The following HS6ST3 variants were observed in gnomAD, a reference collection of about 807,000 sequenced individuals.
HS6ST3 encodes heparan sulfate 6-O-sulfotransferase 3.
In HS6ST3, 12 loss-of-function variants were observed where a neutral mutation model predicts 36.7. The ratio of observed to expected loss-of-function variants is 0.33; its 90% confidence interval spans 0.21 to 0.53. The LOEUF is 0.53. Ranked by LOEUF, HS6ST3 falls within the 20% of genes least tolerant of loss-of-function variation. The pLI, the probability that HS6ST3 is intolerant of heterozygous loss-of-function variation, is 0.95. For synonymous variants in HS6ST3, 240 were observed against 257.5 expected, an observed-to-expected ratio of 0.93 and a Z score of 0.65; for missense variants, 584 against 640.9, an observed-to-expected ratio of 0.91 and a Z score of 0.96.
intron 1 of HS6ST3, among the ~76,000 whole-genome samples, chr13:96,387,528 G>A (rs942537499): frequency 6.6e-6 from 1 of 152,184 alleles, no homozygotes; most frequent in Admixed American, 6.5e-5. Flanking sequence ...TAAATAAAAG[G>A]TAGTTCAGAA....
intron 1 of HS6ST3, among the ~76,000 whole-genome samples, chr13:96,464,947 CGTGTGTGTGTGTGTGT>C (rs71113997): frequency 3.4e-5 from 5 of 145,554 alleles, no homozygotes; most frequent in Middle Eastern, 3.5e-3. Context: ...CAAGATGCTT[CGTGTGTGTGTGTGTGT>C]GTGTGTGTGT....
intron 1 of HS6ST3, among the ~76,000 whole-genome samples, chr13:96,441,315 T>C (rs1327914): frequency 0.21 from 31,410 of 151,586 alleles, 3,520 homozygotes; most frequent in African/African-American, 0.29. Flanking sequence ...AGTAGGGGAC[T>C]GGGGAGCATC....
At chr13:96,537,864 T>G (rs1315377819) in intron 1 of HS6ST3, among the ~76,000 whole-genome samples, 1 of 152,166 alleles carries the variant, frequency 6.6e-6, no homozygotes, top group Non-Finnish European at 1.5e-5. Flanking sequence ...CTGCCTCTGT[T>G]TGCAAAGGCA....
intron 1 of HS6ST3, among the ~76,000 whole-genome samples, chr13:96,320,957 A>C (rs573791840): frequency 6.6e-5 from 10 of 152,152 alleles, no homozygotes; most frequent in Non-Finnish European, 1.5e-4. Flanking sequence ...CTTGCATATT[A>C]TAATGTGGAT....
intron 1 of HS6ST3, among the ~76,000 whole-genome samples, chr13:96,592,438 G>T (rs1244678191): frequency 6.6e-6 from 1 of 152,046 alleles, no homozygotes; most frequent in Non-Finnish European, 1.5e-5. Flanking sequence ...CTTAAGAAAA[G>T]GATAGTTTAC....
intron 1 of HS6ST3, among the ~76,000 whole-genome samples, chr13:96,207,756 A>T (rs939278154): frequency 4.6e-5 from 7 of 152,190 alleles, no homozygotes; most frequent in Admixed American, 1.3e-4. Context: ...GTTCTCACTT[A>T]TAAGTGGGAG....
chr13:96,458,480 G>T (rs994088713), intron 1 of HS6ST3, among the ~76,000 whole-genome samples: 1 of 152,094 alleles, frequency 6.6e-6, no homozygotes, highest in South Asian at 2.1e-4. Flanking sequence ...ACTCAAAAGG[G>T]TCAGAAGTAA....
At chr13:96,816,155 A>G (rs991357138) in intron 1 of HS6ST3, among the ~76,000 whole-genome samples, 2 of 152,220 alleles carry the variant, frequency 1.3e-5, no homozygotes, top group Admixed American at 6.5e-5. Context: ...GTGACTTGCA[A>G]TGTGATTAAA....
intron 1 of HS6ST3, among the ~76,000 whole-genome samples, chr13:96,277,153 G>A (rs1276341064): frequency 5.3e-5 from 8 of 152,108 alleles, no homozygotes; most frequent in Non-Finnish European, 1.2e-4. Context: ...TTCTTTCTGG[G>A]ATGCCCTTCC....
chr13:96,342,231 G>A (rs1566331514), intron 1 of HS6ST3, among the ~76,000 whole-genome samples: 1 of 151,992 alleles, frequency 6.6e-6, no homozygotes, highest in Non-Finnish European at 1.5e-5. Context: ...TTTCATATTT[G>A]GACATTTATG....
rs77852408 is a variant in HS6ST3, at chr13:96,375,801, T to C, written c.707+284232T>C. Among the ~76,000 whole-genome samples the C allele has an allele frequency of 1.6e-4, 25 of 152,348 alleles. No homozygotes were observed. The East Asian group carries it at 4.8e-3, about 29-fold the overall frequency. On this transcript the variant is annotated intron_variant, in intron 1 of 1. Transcript: ENST00000376705. ...CATGGACTTAAAAAGTCAAATGTTA[T>C]TGGTGAAGATTTTCTTTACGAATAT...
At chr13:96,491,273 A>G (rs1456145098) in intron 1 of HS6ST3, among the ~76,000 whole-genome samples, 5 of 152,088 alleles carry the variant, frequency 3.3e-5, no homozygotes, top group East Asian at 1.9e-4. Context: ...TCCCAAAGCC[A>G]TATGCATACC....
intron 1 of HS6ST3, among the ~76,000 whole-genome samples, chr13:96,488,345 T>C (rs1388341447): frequency 1.3e-5 from 2 of 152,114 alleles, no homozygotes; most frequent in Admixed American, 1.3e-4. Flanking sequence ...TGGAAACCGG[T>C]ACCTCTTAGG....
At chr13:96,448,662 T>C (rs2055711263) in intron 1 of HS6ST3, among the ~76,000 whole-genome samples, 1 of 152,142 alleles carries the variant, frequency 6.6e-6, no homozygotes. Context: ...CTGCAATTTC[T>C]CTTCCTCCTC....
intron 1 of HS6ST3, among the ~76,000 whole-genome samples, chr13:96,280,455 A>G (rs778444717): frequency 1.7e-4 from 26 of 152,170 alleles, no homozygotes; most frequent in Non-Finnish European, 3.5e-4. Flanking sequence ...ATTGCCTTCA[A>G]TGTGAGGGAC....
intron 1 of HS6ST3, among the ~76,000 whole-genome samples, chr13:96,586,881 C>T (rs1340259899): frequency 6.6e-6 from 1 of 152,148 alleles, no homozygotes; most frequent in South Asian, 2.1e-4. Context: ...TTGCCCAGAC[C>T]AGTGTCATAG....
At chr13:96,770,550 T>C (rs1052431906) in intron 1 of HS6ST3, among the ~76,000 whole-genome samples, 1 of 152,158 alleles carries the variant, frequency 6.6e-6, no homozygotes, top group African/African-American at 2.4e-5. Context: ...TAAATGATAA[T>C]GCAAAACAAA....
intron 1 of HS6ST3, among the ~76,000 whole-genome samples, chr13:96,175,352 G>C (rs567134182): frequency 7.5e-6 from 1 of 133,344 alleles, no homozygotes; most frequent in South Asian, 2.4e-4. Context: ...CTTTCCTTTT[G>C]TAACAGTTTT....
At chr13:96,476,405 C>G (rs1292911329) in intron 1 of HS6ST3, among the ~76,000 whole-genome samples, 3 of 152,096 alleles carry the variant, frequency 2.0e-5, no homozygotes, top group Non-Finnish European at 4.4e-5. Context: ...CTCTGTCACC[C>G]AGGCTGGAGT....
Sources: gnomAD v4.1 joint callset for allele counts (sites outside exome capture counted in the v4.1 genomes callset) on GRCh38, gnomAD v4.1.1 for gene constraint, MANE v1.5 for transcripts, NCBI Gene and HGNC (gene_info 2026-07-23, HGNC 2026-07-21) for gene names.